Variants in NIPAL2 observed in about 807,000 individuals in gnomAD.
NIPAL2 encodes NIPA-like protein 2.
A neutral mutation model predicts 48.9 loss-of-function variants in NIPAL2; 43 were observed. That is an observed-to-expected ratio of 0.88 (90% CI 0.69 to 1.13). The LOEUF is 1.13. Among genes scored for constraint, NIPAL2 ranks in the 50% most tolerant of loss-of-function variants. The pLI, the probability that NIPAL2 is intolerant of heterozygous loss-of-function variation, is 0.00. For synonymous variants in NIPAL2, 167 were observed against 174.6 expected (o/e 0.96, Z 0.34); for missense variants, 446 against 461.4 (o/e 0.97, Z 0.31).
chr8:98,277,187 T>C (rs1297533862), intron 1 of NIPAL2, among the ~76,000 whole-genome samples: 1 of 152,224 alleles, frequency 6.6e-6, no homozygotes, highest in Non-Finnish European at 1.5e-5. Flanking sequence ...TAGTTTTTAA[T>C]ATACTCATAC....
intron 4 of NIPAL2, among the ~76,000 whole-genome samples, chr8:98,225,834 G>A (rs930700160): frequency 1.3e-5 from 2 of 151,782 alleles, no homozygotes; most frequent in Non-Finnish European, 2.9e-5. Flanking sequence ...TCCTCTTTAA[G>A]GCCAATAACT....
intron 7 of NIPAL2, among the ~76,000 whole-genome samples, chr8:98,203,937 C>T (rs1810916429): frequency 1.3e-5 from 2 of 151,540 alleles, no homozygotes; most frequent in East Asian, 1.9e-4. Flanking sequence ...CCTGCAAGTA[C>T]ATATACGTAC....
intron 3 of NIPAL2, among the ~76,000 whole-genome samples, chr8:98,244,816 T>C (rs1318327850): frequency 6.6e-6 from 1 of 152,198 alleles, no homozygotes; most frequent in Non-Finnish European, 1.5e-5. Context: ...AATTAATTAG[T>C]ATTCTTTAAA....
At chr8:98,266,064 T>C (rs1183045714) in intron 1 of NIPAL2, among the ~76,000 whole-genome samples, 1 of 140,628 alleles carries the variant, frequency 7.1e-6, no homozygotes, top group Non-Finnish European at 1.5e-5. Context: ...TTCTCACTCA[T>C]AGGTGGGAAT....
intron 3 of NIPAL2, among the ~76,000 whole-genome samples, chr8:98,238,610 T>C (rs1257070845): frequency 1.4e-5 from 2 of 147,960 alleles, no homozygotes; most frequent in Non-Finnish European, 3.0e-5. Context: ...TTTGTTTCCT[T>C]TTTTTTTTTT....
intron 2 of NIPAL2, among the ~76,000 whole-genome samples, chr8:98,253,461 A>G (rs954896466): frequency 6.6e-6 from 1 of 152,244 alleles, no homozygotes; most frequent in African/African-American, 2.4e-5. Context: ...TGATTTGGTT[A>G]AAAATTCATA....
At chr8:98,200,518 T>G (rs1810750113) in intron 8 of NIPAL2, among the ~76,000 whole-genome samples, 1 of 152,220 alleles carries the variant, frequency 6.6e-6, no homozygotes, top group South Asian at 2.1e-4. Context: ...ACATTTTGTT[T>G]ATTTATTCAT....
chr8:98,280,761 T>TATATATAGAGAGAGAGAGAGAGAGAG, intron 1 of NIPAL2, among the ~76,000 whole-genome samples: 20 of 30,020 alleles, frequency 6.7e-4, no homozygotes, highest in Admixed American at 2.2e-3. Flanking sequence ...TATATATATA[T>TATATATAGAGAGAGAGAGAGAGAGAG]AGAGAGAGAG....
At chr8:98,227,254 C>G (rs1412614608) in intron 4 of NIPAL2, among the ~76,000 whole-genome samples, 2 of 152,108 alleles carry the variant, frequency 1.3e-5, no homozygotes, top group African/African-American at 4.8e-5. Flanking sequence ...CCACTGTGGC[C>G]AAGCTGGTAC....
At chr8:98,249,587 A>C (rs1414147153) in intron 3 of NIPAL2, among the ~76,000 whole-genome samples, 1 of 148,302 alleles carries the variant, frequency 6.7e-6, no homozygotes, top group Non-Finnish European at 1.5e-5. Flanking sequence ...ATTATCTATT[A>C]ATATGTAACT....
chr8:98,235,195 G>A (rs934280774), intron 4 of NIPAL2, among the ~76,000 whole-genome samples: 2 of 152,104 alleles, frequency 1.3e-5, no homozygotes, highest in Admixed American at 6.5e-5. Context: ...GGTAGGCATT[G>A]TTTTATTTAA....
At chr8:98,268,427 C>T (rs895586643) in intron 1 of NIPAL2, among the ~76,000 whole-genome samples, 3 of 151,836 alleles carry the variant, frequency 2.0e-5, no homozygotes, top group African/African-American at 7.3e-5. Flanking sequence ...TCAAGACAAG[C>T]CTGGCCAACA....
chr8:98,212,277 C>T (rs1359189721), intron 6 of NIPAL2, 128 bp downstream of exon 6: 1 of 452,890 alleles, frequency 2.2e-6, no homozygotes, highest in African/African-American at 2.0e-5. Flanking sequence ...TCAGTTTCTT[C>T]CTATAGATCA....
At chr8:98,268,687 A>G (rs1042508722) in intron 1 of NIPAL2, among the ~76,000 whole-genome samples, 1 of 151,938 alleles carries the variant, frequency 6.6e-6, no homozygotes, top group Admixed American at 6.6e-5. Flanking sequence ...GAGCAAAATT[A>G]TACAGGCTTA....
At chr8:98,292,726 A>ATTT (rs11445213) in intron 1 of NIPAL2, among the ~76,000 whole-genome samples, 2,599 of 140,966 alleles carry the variant, frequency 0.018, 78 homozygotes, top group African/African-American at 0.06. Flanking sequence ...CTAACCCTCT[A>ATTT]TTTTTTTTTT....
chr8:98,200,288 T>C (rs1363413474), intron 8 of NIPAL2, among the ~76,000 whole-genome samples: 1 of 152,236 alleles, frequency 6.6e-6, no homozygotes, highest in African/African-American at 2.4e-5. Context: ...ATTCCCATTA[T>C]ACAACTCATT....
At chr8:98,229,880 T>A (rs1425010157) in intron 4 of NIPAL2, among the ~76,000 whole-genome samples, 2 of 152,174 alleles carry the variant, frequency 1.3e-5, no homozygotes, top group African/African-American at 4.8e-5. Flanking sequence ...TCTGTGAAAA[T>A]GATTTACCTT....
At chr8:98,230,205 CT>C (rs963616394) in intron 4 of NIPAL2, among the ~76,000 whole-genome samples, 2 of 152,146 alleles carry the variant, frequency 1.3e-5, no homozygotes, top group African/African-American at 4.8e-5. Context: ...AGTGGCACCC[CT>C]AGGAGCTGTA....
At chr8:98,201,306 G>A (rs902072885) in intron 8 of NIPAL2, among the ~76,000 whole-genome samples, 2 of 152,234 alleles carry the variant, frequency 1.3e-5, no homozygotes, top group African/African-American at 2.4e-5. Flanking sequence ...CCATCCCACC[G>A]ACTCATCAAT....
Sources: allele counts gnomAD v4.1 joint callset (sites outside exome capture counted in the v4.1 genomes callset), GRCh38; gene constraint gnomAD v4.1.1; transcripts MANE v1.5; gene names NCBI Gene and HGNC (gene_info 2026-07-23, HGNC 2026-07-21).